Variants in IL1RAPL1 observed in about 807,000 individuals in gnomAD.
The protein encoded by IL1RAPL1 is interleukin 1 receptor accessory protein like 1.
IL1RAPL1 carries 3 observed loss-of-function variants against 48.4 expected under a neutral mutation model. That is an observed-to-expected ratio of 0.06 (90% confidence interval 0.03 to 0.16). The LOEUF (loss-of-function observed/expected upper bound fraction) is 0.16. Among genes scored for constraint, IL1RAPL1 ranks in the 10% least tolerant of loss-of-function variants. The pLI, the probability that IL1RAPL1 is intolerant of heterozygous loss-of-function variation, is 1.00. For synonymous variants in IL1RAPL1, 185 were observed against 187.7 expected, an observed-to-expected ratio of 0.99 and a Z score of 0.12; for missense variants, 349 against 530.6, an observed-to-expected ratio of 0.66 and a Z score of 3.36.
At position 28,779,638 on chromosome X, in the gene IL1RAPL1, A is replaced by ATGTG. The variant is rs1368696480; in HGVS notation, c.-24-9681_-24-9680insGTGT. 6.9e-3 allele frequency among the ~76,000 whole-genome samples: 269 copies of ATGTG among 38,760 alleles called. 1 individual carries two copies. Among genetic ancestry groups the ATGTG allele is most frequent in the African/African-American group, 0.03 (243 of 8,194 alleles). The allele number at this position is 38,760 out of a possible 115,157, so 33.7% of individuals were successfully genotyped here. ...CTATTATGTGTGTGTGTGTGTGTAT[A>ATGTG]TATATATATATATATATATATATAT... On this transcript the variant is annotated intron_variant, in intron 1 of 10. Coordinates refer to ENST00000378993, the MANE Select transcript of IL1RAPL1 (RefSeq NM_014271.4).
At chrX:28,912,307 C>T (rs992887748) in intron 2 of IL1RAPL1, among the ~76,000 whole-genome samples, 2 of 110,106 alleles carry the variant, frequency 1.8e-5, no homozygotes, top group African/African-American at 6.6e-5. Context: ...CTAATTTGTG[C>T]AGTAATTCAG....
chrX:29,243,906 C>A, intron 2 of IL1RAPL1, among the ~76,000 whole-genome samples: 1 of 111,437 alleles, frequency 9.0e-6, no homozygotes, highest in Admixed American at 9.6e-5. Context: ...TCTAAAGGGT[C>A]TTGAATTGTG....
At chrX:29,613,126 C>G (rs191129493) in intron 5 of IL1RAPL1, among the ~76,000 whole-genome samples, 2 of 111,964 alleles carry the variant, frequency 1.8e-5, no homozygotes, top group African/African-American at 6.5e-5. Flanking sequence ...ATAATGACAG[C>G]CCAAAGATGT....
chrX:29,490,849 T>TAC (rs1569322850), intron 5 of IL1RAPL1, among the ~76,000 whole-genome samples: 5 of 59,144 alleles, frequency 8.5e-5, no homozygotes, highest in African/African-American at 7.8e-4. Flanking sequence ...TGTGTGTGTG[T>TAC]GTGTATATAT....
Position 29,417,644 on chromosome X carries a change from A to G in IL1RAPL1, c.703+18336A>G, listed in dbSNP as rs185552131. Among the ~76,000 whole-genome samples, 180 of 111,809 alleles carry G rather than the reference A, an allele frequency of 1.6e-3. 2 individuals are homozygous for G. The Admixed American group carries it at 0.016, about 10-fold the overall frequency. ...AGATTGTTTACAAATATCGTGGACA[A>G]TGTCTCAAGTGATAATTGCAATATG... On this transcript the variant is annotated intron_variant, in intron 5 of 10. Coordinates refer to ENST00000378993, the MANE Select transcript of IL1RAPL1 (RefSeq NM_014271.4).
chrX:29,497,508 T>C (rs2147757647), intron 5 of IL1RAPL1, among the ~76,000 whole-genome samples: 1 of 111,729 alleles, frequency 9.0e-6, no homozygotes, highest in East Asian at 2.8e-4. Flanking sequence ...TTCACTTTTT[T>C]GTTAAGAATA....
At chrX:29,775,851 C>T (rs1403588331) in intron 6 of IL1RAPL1, among the ~76,000 whole-genome samples, 1 of 111,213 alleles carries the variant, frequency 9.0e-6, no homozygotes, top group Non-Finnish European at 1.9e-5. Context: ...TTTTGTCTTT[C>T]CTTATTAGTG....
chrX:28,761,225 C>G (rs1208300050), intron 1 of IL1RAPL1, among the ~76,000 whole-genome samples: 1 of 110,897 alleles, frequency 9.0e-6, no homozygotes, highest in Non-Finnish European at 1.9e-5. Flanking sequence ...GAATTTAAAA[C>G]AGAACTATCA....
intron 3 of IL1RAPL1, among the ~76,000 whole-genome samples, chrX:29,356,568 T>C (rs970465872): frequency 1.8e-5 from 2 of 108,582 alleles, no homozygotes; most frequent in Non-Finnish European, 3.8e-5. Flanking sequence ...GTGTGACACA[T>C]ACACACACAC....
Position 29,592,965 on chromosome X carries a change from C to T in IL1RAPL1, c.704-75465C>T, listed in dbSNP as rs142638528. 2.6e-4 allele frequency among the ~76,000 whole-genome samples: 29 copies of T among 112,405 alleles called. No individual in the cohort carries two copies. In the East Asian group the frequency reaches 7.6e-3, roughly 29 times the overall value. On this transcript the variant is annotated intron_variant, in intron 5 of 10. Transcript: ENST00000378993. ...ATCCCATGCTGATGCCACCTTCTAT[C>T]CCTCTTTCAAGGTCTCTGGAGGATA...
chrX:29,238,881 G>A (rs1424000962), intron 2 of IL1RAPL1, among the ~76,000 whole-genome samples: 1 of 111,858 alleles, frequency 8.9e-6, no homozygotes, highest in Non-Finnish European at 1.9e-5. Flanking sequence ...GTCTTTAGAG[G>A]TAGAGTTTTA....
intron 2 of IL1RAPL1, among the ~76,000 whole-genome samples, chrX:29,174,070 G>A (rs1322721160): frequency 9.1e-6 from 1 of 110,328 alleles, no homozygotes; most frequent in East Asian, 2.9e-4. Flanking sequence ...ACAGGCATGA[G>A]CCAGCCACCA....
intron 2 of IL1RAPL1, among the ~76,000 whole-genome samples, chrX:29,008,856 C>CT (rs1926054732): frequency 9.0e-6 from 1 of 110,936 alleles, no homozygotes; most frequent in Non-Finnish European, 1.9e-5. Context: ...AGTTTCTATT[C>CT]TTTCCATCTT....
At chrX:29,273,380 C>G (rs745756717) in intron 2 of IL1RAPL1, among the ~76,000 whole-genome samples, 62 of 111,280 alleles carry the variant, frequency 5.6e-4, no homozygotes, top group Non-Finnish European at 9.2e-4. Context: ...GGCCTCTTTT[C>G]TGGAAGATTT....
At chrX:28,776,468 C>T (rs1936363563) in intron 1 of IL1RAPL1, among the ~76,000 whole-genome samples, 2 of 111,708 alleles carry the variant, frequency 1.8e-5, no homozygotes, top group Admixed American at 9.5e-5. Context: ...ATAGCCAATA[C>T]CTAGTTGAAA....
intron 1 of IL1RAPL1, among the ~76,000 whole-genome samples, chrX:28,652,918 C>T (rs892337770): frequency 7.3e-5 from 8 of 110,156 alleles, no homozygotes; most frequent in Non-Finnish European, 1.5e-4. Flanking sequence ...TAAATCTAGC[C>T]TAAGTGAATT....
chrX:29,638,486 G>A (rs1300713978), intron 5 of IL1RAPL1, among the ~76,000 whole-genome samples: 1 of 111,423 alleles, frequency 9.0e-6, no homozygotes, highest in Non-Finnish European at 1.9e-5. Context: ...CTTGAATACA[G>A]TATGGCATTT....
At chrX:28,743,368 T>C (rs1362924446) in intron 1 of IL1RAPL1, among the ~76,000 whole-genome samples, 1 of 111,874 alleles carries the variant, frequency 8.9e-6, no homozygotes, top group Non-Finnish European at 1.9e-5. Context: ...AAAATGACTT[T>C]TCCGAAACAT....
chrX:28,792,816 A>AAAAAATATATATAT (rs1936562170), intron 2 of IL1RAPL1, among the ~76,000 whole-genome samples: 1 of 10,109 alleles, frequency 9.9e-5, no homozygotes, highest in African/African-American at 3.4e-4. Context: ...AAAAAAAAAA[A>AAAAAATATATATAT]ATATATATAT....
Sources: allele counts gnomAD v4.1 joint callset (sites outside exome capture counted in the v4.1 genomes callset), GRCh38; gene constraint gnomAD v4.1.1; transcripts MANE v1.5; gene names NCBI Gene and HGNC (gene_info 2026-07-23, HGNC 2026-07-21).